HIVEP3: variants seen among roughly 807,000 people sequenced by gnomAD.
HIVEP3 encodes the protein HIVEP zinc finger 3, also known as transcription factor HIVEP3.
In HIVEP3, 49 loss-of-function variants were observed where a neutral mutation model predicts 152.8. The ratio of observed to expected loss-of-function variants is 0.32; its 90% CI spans 0.26 to 0.41. The LOEUF is 0.41. HIVEP3 is among the 10% of genes least tolerant of loss of function. The probability of loss-of-function intolerance (pLI) is 1.00; values close to 1 mark genes in which losing one functional copy is unlikely to be tolerated. For missense variants in HIVEP3, 2,790 were observed against 3,103.3 expected (o/e 0.90, Z 2.40); for synonymous variants, 1,269 against 1,289.0 (o/e 0.98, Z 0.33).
intron 1 of HIVEP3, among the ~76,000 whole-genome samples, chr1:41,976,960 TG>T (rs1312981301): frequency 6.6e-6 from 1 of 152,204 alleles, no homozygotes; most frequent in Non-Finnish European, 1.5e-5. Flanking sequence ...ACACTGCTGT[TG>T]TTCTAAGCCA....
intron 3 of HIVEP3, among the ~76,000 whole-genome samples, chr1:41,586,452 C>T (rs895004867): frequency 6.6e-6 from 1 of 152,230 alleles, no homozygotes. Context: ...AGAGTTTGTT[C>T]CCCAGCCCCT....
intron 1 of HIVEP3, among the ~76,000 whole-genome samples, chr1:41,753,184 T>A (rs1441987505): frequency 2.0e-5 from 3 of 152,140 alleles, no homozygotes; most frequent in Non-Finnish European, 4.4e-5. Flanking sequence ...AGTCACACAT[T>A]TCTGGTAAGT....
intron 1 of HIVEP3, among the ~76,000 whole-genome samples, chr1:41,915,059 A>G (rs2124468827): frequency 6.6e-6 from 1 of 152,338 alleles, no homozygotes; most frequent in African/African-American, 2.4e-5. Context: ...AATTTTGACC[A>G]GTAAGCCACC....
chr1:41,594,376 C>T (rs1239321336), intron 3 of HIVEP3, among the ~76,000 whole-genome samples: 1 of 152,102 alleles, frequency 6.6e-6, no homozygotes, highest in Non-Finnish European at 1.5e-5. Flanking sequence ...GCGTGCACCA[C>T]CACACCCAGA....
intron 1 of HIVEP3, among the ~76,000 whole-genome samples, chr1:41,818,107 C>T (rs1227011616): frequency 6.6e-6 from 1 of 152,140 alleles, no homozygotes; most frequent in Non-Finnish European, 1.5e-5. Context: ...ATACAAGGAA[C>T]TCCAGAAAGC....
chr1:41,575,980 C>T (rs1237647551), intron 4 of HIVEP3, among the ~76,000 whole-genome samples: 1 of 152,220 alleles, frequency 6.6e-6, no homozygotes. Context: ...GTCTTTTACA[C>T]TAGTCTGGGA....
intron 1 of HIVEP3, among the ~76,000 whole-genome samples, chr1:41,801,132 G>A (rs951781250): frequency 2.0e-5 from 3 of 152,232 alleles, no homozygotes; most frequent in Admixed American, 2.0e-4. Flanking sequence ...GCCCAGAAAA[G>A]AAGAAGATGC....
At chr1:41,778,288 G>T (rs1005069350) in intron 1 of HIVEP3, among the ~76,000 whole-genome samples, 1 of 152,218 alleles carries the variant, frequency 6.6e-6, no homozygotes, top group African/African-American at 2.4e-5. Context: ...CAAGAGAGTA[G>T]AACTTGCTTT....
At chr1:41,631,565 T>C (rs1645195086) in intron 2 of HIVEP3, among the ~76,000 whole-genome samples, 1 of 152,122 alleles carries the variant, frequency 6.6e-6, no homozygotes, top group African/African-American at 2.4e-5. Flanking sequence ...GCACTGCTGA[T>C]TCCTACAGAG....
chr1:41,834,121 G>C (rs896988634), intron 1 of HIVEP3, among the ~76,000 whole-genome samples: 4 of 152,174 alleles, frequency 2.6e-5, no homozygotes, highest in African/African-American at 7.2e-5. Context: ...TCTGGGCCTG[G>C]GGCTGGGTCT....
intron 1 of HIVEP3, among the ~76,000 whole-genome samples, chr1:41,836,589 A>C (rs1643130287): frequency 6.6e-6 from 1 of 152,244 alleles, no homozygotes; most frequent in Non-Finnish European, 1.5e-5. Flanking sequence ...CAGATCAATG[A>C]AACTGGTCAT....
intron 1 of HIVEP3, among the ~76,000 whole-genome samples, chr1:41,727,675 A>T (rs903261180): frequency 6.6e-6 from 1 of 152,100 alleles, no homozygotes; most frequent in South Asian, 2.1e-4. Context: ...TAGCTGACCA[A>T]CTGCTCCGTC....
intron 5 of HIVEP3, among the ~76,000 whole-genome samples, chr1:41,528,746 A>G (rs1440399810): frequency 2.3e-5 from 2 of 88,610 alleles, no homozygotes; most frequent in Non-Finnish European, 2.2e-5. Context: ...ACACCCTCAC[A>G]TACTCCATCC....
intron 1 of HIVEP3, among the ~76,000 whole-genome samples, chr1:41,775,417 T>C (rs146847715): frequency 2.1e-3 from 314 of 152,362 alleles, no homozygotes; most frequent in Non-Finnish European, 3.6e-3. Context: ...AAAACAGCCT[T>C]GCATTCTTCT....
chr1:41,781,861 C>G (rs1649066372), intron 1 of HIVEP3, among the ~76,000 whole-genome samples: 1 of 152,252 alleles, frequency 6.6e-6, no homozygotes, highest in Admixed American at 6.5e-5. Context: ...CAAGTCTCAG[C>G]TCTCCTGTCA....
In HIVEP3 at chr1:41,894,733, G is replaced by A. The variant is rs555253363; in HGVS notation, c.-801+23680C>T. Among the ~76,000 whole-genome samples, 19 of 152,310 alleles carry A rather than the reference G, an allele frequency of 1.2e-4. 1 individual carries two copies. In the East Asian group the frequency reaches 2.7e-3, roughly 22 times the overall value. On this transcript the variant is annotated intron_variant, in intron 1 of 8. Transcript: ENST00000372583. ...CAATGACCAGTGCTAAGGTTGCTGC[G>A]AATGACATCTTAGGCCTGAAATTGC...
At chr1:41,680,012 T>A (rs1646014704) in intron 2 of HIVEP3, among the ~76,000 whole-genome samples, 1 of 152,218 alleles carries the variant, frequency 6.6e-6, no homozygotes, top group African/African-American at 2.4e-5. Context: ...CTATACCCTG[T>A]GCCTCATCCT....
At position 41,556,488 on chromosome 1, in the gene HIVEP3, T is replaced by G. The variant is rs558582746; in HGVS notation, c.5207+19056A>C. Among the ~76,000 whole-genome samples the G allele has an allele frequency of 3.9e-5, 6 of 152,318 alleles. No individual in the cohort carries two copies. The South Asian group carries it at 1.2e-3, about 32-fold the overall frequency. On this transcript the variant is annotated intron_variant, in intron 5 of 8. Transcript: ENST00000372583. ...TAAAATTGGGTTTTTGGATTGAGGTTGTTGTTGTTGAGTTGTAGGAGTTCT... is the reference window on the plus strand; with the variant it reads ...TAAAATTGGGTTTTTGGATTGAGGTGGTTGTTGTTGAGTTGTAGGAGTTCT...
At chr1:41,570,966 C>T (rs548601625) in intron 5 of HIVEP3, among the ~76,000 whole-genome samples, 1 of 152,278 alleles carries the variant, frequency 6.6e-6, no homozygotes, top group South Asian at 2.1e-4. Context: ...AAGGTGGAAA[C>T]CTTAAGTCTG....
Sources: allele counts gnomAD v4.1 joint callset (sites outside exome capture counted in the v4.1 genomes callset), GRCh38; gene constraint gnomAD v4.1.1; transcripts MANE v1.5; gene names NCBI Gene and HGNC (gene_info 2026-07-23, HGNC 2026-07-21).